Variants in ZRANB3 observed in about 807,000 individuals in gnomAD.
ZRANB3 encodes DNA annealing helicase and endonuclease ZRANB3.
ZRANB3 carries 125 observed loss-of-function variants against 133.8 expected under a neutral mutation model. The ratio of observed to expected loss-of-function variants is 0.93; its 90% CI spans 0.81 to 1.08. The LOEUF (loss-of-function observed/expected upper bound fraction) is 1.08, where lower values mean the gene tolerates loss of function less well. Among genes scored for constraint, ZRANB3 ranks in the 50% least tolerant of loss-of-function variants. ZRANB3 has a pLI of 0.00. For synonymous variants in ZRANB3, 387 were observed against 432.7 expected (o/e 0.89, Z 1.31); for missense variants, 1,229 against 1,275.5 (o/e 0.96, Z 0.56).
At chr2:135,203,612 C>CAAA (rs1051712787) in intron 19 of ZRANB3, among the ~76,000 whole-genome samples, 23 of 61,862 alleles carry the variant, frequency 3.7e-4, no homozygotes, top group African/African-American at 7.3e-4. Context: ...GACTCGGTCT[C>CAAA]AAAAAAAAAA....
chr2:135,488,695 A>T (rs1473212946), intron 2 of ZRANB3, among the ~76,000 whole-genome samples: 1 of 151,922 alleles, frequency 6.6e-6, no homozygotes, highest in African/African-American at 2.4e-5. Flanking sequence ...AATATATACA[A>T]AGCACAATTT....
intron 3 of ZRANB3, among the ~76,000 whole-genome samples, chr2:135,354,443 T>A (rs539112294): frequency 1.3e-5 from 2 of 152,352 alleles, no homozygotes; most frequent in East Asian, 3.9e-4. Context: ...GCCTGACTTC[T>A]AAGCTGTTCC....
intron 2 of ZRANB3, among the ~76,000 whole-genome samples, chr2:135,462,513 C>T (rs1183157201): frequency 6.6e-6 from 1 of 152,016 alleles, no homozygotes; most frequent in Non-Finnish European, 1.5e-5. Flanking sequence ...TAACTCTGTC[C>T]TTTCTGTAAT....
chr2:135,272,759 G>C (rs1375923398), intron 9 of ZRANB3, among the ~76,000 whole-genome samples: 1 of 152,024 alleles, frequency 6.6e-6, no homozygotes, highest in East Asian at 1.9e-4. Flanking sequence ...CAGAGAGGTG[G>C]GGCACTGAGG....
At chr2:135,495,408 G>T (rs1241542890) in intron 2 of ZRANB3, among the ~76,000 whole-genome samples, 3 of 152,054 alleles carry the variant, frequency 2.0e-5, no homozygotes, top group Non-Finnish European at 4.4e-5. Context: ...TAAAAGAATG[G>T]CTACTCCATA....
chr2:135,235,257 T>G (rs1695234571), intron 12 of ZRANB3, among the ~76,000 whole-genome samples: 1 of 152,188 alleles, frequency 6.6e-6, no homozygotes, highest in African/African-American at 2.4e-5. Context: ...AATCTCTGAA[T>G]AGACCAATAA....
Position 135,274,768 on chromosome 2 carries a change from TGC to T in ZRANB3, c.1086+866_1086+867del, listed in dbSNP as rs548332648. On this transcript the variant is annotated intron_variant, in intron 9 of 20. Coordinates refer to ENST00000264159, the MANE Select transcript of ZRANB3 (RefSeq NM_032143.4). ...TCTGGTTTTCCTAGGCAGAGGACCC[TGC>T]GGCCTTCCGCAGTGTTTGTGTCCCT... is the stretch of plus-strand genomic sequence containing the variant. Among the ~76,000 whole-genome samples the T allele has an allele frequency of 3.0e-3, 452 of 152,212 alleles. 3 individuals carry two copies. Among genetic ancestry groups the T allele is most frequent in the African/African-American group, 0.01 (421 of 41,562 alleles).
At chr2:135,252,650 C>T (rs1051116488) in intron 12 of ZRANB3, among the ~76,000 whole-genome samples, 1 of 152,196 alleles carries the variant, frequency 6.6e-6, no homozygotes, top group African/African-American at 2.4e-5. Flanking sequence ...TCAAGATGTC[C>T]TGAGTGAACC....
At chr2:135,376,292 G>T (rs1686425720) in intron 3 of ZRANB3, among the ~76,000 whole-genome samples, 1 of 152,114 alleles carries the variant, frequency 6.6e-6, no homozygotes, top group African/African-American at 2.4e-5. Context: ...CCAGTTTGTG[G>T]TACTATCTTA....
chr2:135,475,022 A>G (rs1327523559), intron 2 of ZRANB3, among the ~76,000 whole-genome samples: 1 of 152,188 alleles, frequency 6.6e-6, no homozygotes, highest in Non-Finnish European at 1.5e-5. Context: ...CTCTGCCTTC[A>G]TGAACTGGTA....
chr2:135,295,375 T>C (rs561089622), intron 8 of ZRANB3, among the ~76,000 whole-genome samples: 19 of 152,266 alleles, frequency 1.2e-4, no homozygotes, highest in Middle Eastern at 3.4e-3. Context: ...TTAAAGTCTG[T>C]TTTATCAGAG....
chr2:135,437,247 C>T (rs977451995), intron 2 of ZRANB3, among the ~76,000 whole-genome samples: 1 of 152,072 alleles, frequency 6.6e-6, no homozygotes, highest in Admixed American at 6.6e-5. Flanking sequence ...CGTGAGCCAC[C>T]GGTGGCATAT....
chr2:135,350,786 T>C (rs960156199), intron 4 of ZRANB3, among the ~76,000 whole-genome samples: 55 of 152,288 alleles, frequency 3.6e-4, no homozygotes, highest in Non-Finnish European at 4.0e-4. Flanking sequence ...AAAAGCTTCC[T>C]GGACCTGAGA....
chr2:135,503,299 G>C (rs966722581), intron 2 of ZRANB3, among the ~76,000 whole-genome samples: 2 of 152,096 alleles, frequency 1.3e-5, no homozygotes, highest in African/African-American at 2.4e-5. Context: ...GGGACTGATG[G>C]GACAGAAGGA....
At chr2:135,414,716 T>C (rs1009085397) in intron 2 of ZRANB3, among the ~76,000 whole-genome samples, 9 of 152,086 alleles carry the variant, frequency 5.9e-5, no homozygotes, top group Non-Finnish European at 8.8e-5. Context: ...AAAGCTCTCC[T>C]CAGCAAATGT....
chr2:135,358,649 GAA>G lies in ZRANB3; in HGVS notation c.181-5023_181-5022del, dbSNP rs960564485. On this transcript the variant is annotated intron_variant, in intron 3 of 20. Transcript: ENST00000264159. ...AAGAAATATGAAGTCATTTTAAAAA[GAA>G]AAAAAAGTTTCTCAAGTCAAACAGT... Among the ~76,000 whole-genome samples the G allele has an allele frequency of 2.8e-4, 42 of 151,704 alleles. 1 individual carries two copies. Among genetic ancestry groups the G allele is most frequent in the African/African-American group, 9.2e-4 (38 of 41,314 alleles).
At position 135,207,633 on chromosome 2, in the gene ZRANB3, GA is replaced by G; in HGVS notation, c.2809del (p.Ser937LeufsTer2). ...KANSWDSRFCSLKCQEEFWIR... is the reference protein window; with the variant it reads ...KANSWDSRFCXLKCQEEFWIR... ...CCAAAACTCTTCCTGACATTTCAGA[GA>G]GCAAAACCGTGAATCCCAAGAGTTC... On this transcript the variant is annotated frameshift_variant, in exon 19 of 21. Transcript: ENST00000264159. LOFTEE classifies it high-confidence loss of function. 1 of 1,614,010 alleles carries G rather than the reference GA, an allele frequency of 6.2e-7. No homozygotes were observed. Among genetic ancestry groups the G allele is most frequent in the Non-Finnish European group, 8.5e-7 (1 of 1,179,886 alleles).
At chr2:135,418,269 T>C (rs1688677698) in intron 2 of ZRANB3, among the ~76,000 whole-genome samples, 1 of 152,204 alleles carries the variant, frequency 6.6e-6, no homozygotes, top group South Asian at 2.1e-4. Flanking sequence ...TATGTGCAAA[T>C]ACTATGCCAT....
intron 2 of ZRANB3, among the ~76,000 whole-genome samples, chr2:135,487,160 G>A (rs576628587): frequency 6.6e-6 from 1 of 152,308 alleles, no homozygotes; most frequent in South Asian, 2.1e-4. Flanking sequence ...GGGTGACCAG[G>A]TCCATTGTCA....
Sources: allele counts gnomAD v4.1 joint callset (sites outside exome capture counted in the v4.1 genomes callset), GRCh38; gene constraint gnomAD v4.1.1; transcripts MANE v1.5; gene names NCBI Gene and HGNC (gene_info 2026-07-23, HGNC 2026-07-21).